PLCB4: variants seen among roughly 807,000 people sequenced by gnomAD.
PLCB4 encodes the protein phospholipase C beta 4.
Under a neutral mutation model 178.8 loss-of-function variants are expected in PLCB4, and 77 were observed. The ratio of observed to expected loss-of-function variants is 0.43; its 90% CI spans 0.36 to 0.52. PLCB4 has a LOEUF of 0.52. Ranked by LOEUF, PLCB4 falls within the 20% of genes least tolerant of loss-of-function variation. The probability of loss-of-function intolerance (pLI) is 0.00; values close to 1 mark genes in which losing one functional copy is unlikely to be tolerated. For missense variants in PLCB4, 1,024 were observed against 1,453.4 expected (o/e 0.70, Z 4.80); for synonymous variants, 496 against 490.8 (o/e 1.01, Z -0.14).
At chr20:9,389,850 C>T in intron 15 of PLCB4, 29 bp from the exon 16 acceptor site, 2 of 1,306,662 alleles carry the variant, frequency 1.5e-6, no homozygotes, top group Non-Finnish European at 2.2e-6. Flanking sequence ...GCTCTTTTCT[C>T]TCATTAACGT....
chr20:9,133,891 G>A (rs1406531746), intron 2 of PLCB4, among the ~76,000 whole-genome samples: 1 of 152,184 alleles, frequency 6.6e-6, no homozygotes, highest in East Asian at 1.9e-4. Flanking sequence ...CTCCAGGTGG[G>A]CTTCACAATA....
chr20:9,467,910 T>G (rs948883267), intron 35 of PLCB4, among the ~76,000 whole-genome samples: 1 of 152,220 alleles, frequency 6.6e-6, no homozygotes, highest in African/African-American at 2.4e-5. Flanking sequence ...TTTTATTCCT[T>G]TAATGCATGT....
rs185621311 is a variant in PLCB4, at chr20:9,334,698, T to C, written c.85-2428T>C. Reference sequence around the variant, plus strand: ...GCTTTGGAAATAAGCTAGATAAGGATGGAAGTAAAAGGAGGAGGGAACTGG... The same window carrying C: ...GCTTTGGAAATAAGCTAGATAAGGACGGAAGTAAAAGGAGGAGGGAACTGG... On this transcript the variant is annotated intron_variant, in intron 4 of 39. Transcript: ENST00000378473. Among the ~76,000 whole-genome samples, 285 of 151,962 alleles carry C rather than the reference T, an allele frequency of 1.9e-3. 4 individuals are homozygous for C. Among genetic ancestry groups the C allele is most frequent in the Non-Finnish European group, 3.2e-3 (218 of 67,936 alleles).
intron 7 of PLCB4, among the ~76,000 whole-genome samples, chr20:9,358,705 C>A (rs1244303703): frequency 6.6e-6 from 1 of 152,048 alleles, no homozygotes; most frequent in Non-Finnish European, 1.5e-5. Flanking sequence ...CACACCCTGG[C>A]CGACATGGTC....
At chr20:9,200,506 G>T (rs1260555005) in intron 2 of PLCB4, among the ~76,000 whole-genome samples, 2 of 152,124 alleles carry the variant, frequency 1.3e-5, no homozygotes, top group Non-Finnish European at 2.9e-5. Flanking sequence ...ACTTAGGTCA[G>T]ACCAGGCAAC....
At chr20:9,152,302 A>G (rs1347497879) in intron 2 of PLCB4, among the ~76,000 whole-genome samples, 1 of 152,168 alleles carries the variant, frequency 6.6e-6, no homozygotes, top group African/African-American at 2.4e-5. Context: ...TCTCCAGGCC[A>G]TATCAGAGAC....
intron 32 of PLCB4, among the ~76,000 whole-genome samples, chr20:9,444,651 A>T (rs567378680): frequency 6.6e-6 from 1 of 152,100 alleles, no homozygotes; most frequent in Non-Finnish European, 1.5e-5. Context: ...AATCCCAGCT[A>T]CTCAGGAGGC....
chr20:9,091,538 G>T (rs981350618), intron 1 of PLCB4, among the ~76,000 whole-genome samples: 2 of 151,718 alleles, frequency 1.3e-5, no homozygotes, highest in Non-Finnish European at 2.9e-5. Context: ...ACCTTCCTAG[G>T]TTTGAGTATC....
At chr20:9,371,357 A>G (rs1002335970) in intron 10 of PLCB4, 62 bp downstream of exon 10, 1 of 847,228 alleles carries the variant, frequency 1.2e-6, no homozygotes, top group Admixed American at 1.8e-5. Flanking sequence ...TCTCATATGT[A>G]ATGAGCTAGA....
At chr20:9,359,898 G>A (rs900197497) in intron 7 of PLCB4, among the ~76,000 whole-genome samples, 5 of 152,050 alleles carry the variant, frequency 3.3e-5, no homozygotes, top group African/African-American at 1.2e-4. Flanking sequence ...ACACCTGCTG[G>A]CATTTCATCT....
intron 14 of PLCB4, among the ~76,000 whole-genome samples, chr20:9,386,285 A>AGG (rs2037658447): frequency 6.6e-6 from 1 of 152,046 alleles, no homozygotes; most frequent in Admixed American, 6.6e-5. Flanking sequence ...GGAGAGGGAG[A>AGG]GGGTAAATTA....
At chr20:9,295,421 G>C (rs1284655496) in intron 3 of PLCB4, among the ~76,000 whole-genome samples, 1 of 152,070 alleles carries the variant, frequency 6.6e-6, no homozygotes, top group Non-Finnish European at 1.5e-5. Context: ...AAATATCCCA[G>C]GGTGCTCTAA....
intron 24 of PLCB4, 152 bp downstream of exon 24, chr20:9,409,333 T>TAAAA: frequency 2.9e-5 from 11 of 383,656 alleles, no homozygotes; most frequent in Middle Eastern, 6.9e-4. Context: ...TGGTGAGAAA[T>TAAAA]AAAAAAAAAA....
At chr20:9,242,325 A>G (rs1044922949) in intron 3 of PLCB4, among the ~76,000 whole-genome samples, 1 of 152,222 alleles carries the variant, frequency 6.6e-6, no homozygotes, top group Non-Finnish European at 1.5e-5. Context: ...AGAAAGAGTC[A>G]TTATGAAGAG....
intron 2 of PLCB4, among the ~76,000 whole-genome samples, chr20:9,103,200 C>G (rs796669901): frequency 1.8e-4 from 27 of 152,168 alleles, no homozygotes; most frequent in African/African-American, 6.0e-4. Context: ...GCTTCTCAAA[C>G]TTTTTGGTCT....
intron 3 of PLCB4, among the ~76,000 whole-genome samples, chr20:9,270,669 A>G (rs1005348460): frequency 1.3e-5 from 2 of 152,090 alleles, no homozygotes; most frequent in Non-Finnish European, 2.9e-5. Context: ...AGTGTTCTTT[A>G]TTGATGATTA....
intron 1 of PLCB4, among the ~76,000 whole-genome samples, chr20:9,077,264 G>A (rs1025055615): frequency 6.6e-6 from 1 of 152,170 alleles, no homozygotes; most frequent in Non-Finnish European, 1.5e-5. Context: ...TTTGTTCGTA[G>A]GTCTTTGTGC....
intron 2 of PLCB4, among the ~76,000 whole-genome samples, chr20:9,134,563 A>G (rs1269814940): frequency 2.6e-5 from 4 of 152,058 alleles, no homozygotes; most frequent in African/African-American, 9.7e-5. Flanking sequence ...CATTTTTTAG[A>G]TAGTGTGCCC....
intron 2 of PLCB4, among the ~76,000 whole-genome samples, chr20:9,101,374 G>A (rs771031947): frequency 3.9e-5 from 6 of 152,200 alleles, no homozygotes; most frequent in African/African-American, 4.8e-5. Context: ...AAATCATTGC[G>A]TTATGGATGG....
Sources: allele counts gnomAD v4.1 joint callset (sites outside exome capture counted in the v4.1 genomes callset), GRCh38; gene constraint gnomAD v4.1.1; transcripts MANE v1.5; gene names NCBI Gene and HGNC (gene_info 2026-07-23, HGNC 2026-07-21).